The following PLEKHA5 variants were observed in gnomAD, a reference collection of about 807,000 sequenced individuals.
PLEKHA5 encodes the protein pleckstrin homology domain containing A5, also known as pleckstrin homology domain-containing family A member 5.
A neutral mutation model predicts 181.9 loss-of-function variants in PLEKHA5; 55 were observed. The observed-to-expected ratio is 0.30, with a 90% CI of 0.24 to 0.38. The LOEUF (loss-of-function observed/expected upper bound fraction) is 0.38. PLEKHA5 is among the 10% of genes least tolerant of loss of function. PLEKHA5 has a pLI of 1.00. For synonymous variants in PLEKHA5, 535 were observed against 529.4 expected (o/e 1.01, Z -0.15); for missense variants, 1,432 against 1,549.5 (o/e 0.92, Z 1.27).
intron 5 of PLEKHA5, among the ~76,000 whole-genome samples, chr12:19,256,645 T>A (rs2066958354): frequency 6.6e-6 from 1 of 152,204 alleles, no homozygotes; most frequent in African/African-American, 2.4e-5. Flanking sequence ...TATATACTAA[T>A]AAAAGCTTCC....
chr12:19,323,069 C>T (rs1202828277), intron 20 of PLEKHA5, among the ~76,000 whole-genome samples: 2 of 141,974 alleles, frequency 1.4e-5, no homozygotes, highest in East Asian at 4.1e-4. Flanking sequence ...CACTATGTTG[C>T]CCAGACTGGT....
intron 3 of PLEKHA5, among the ~76,000 whole-genome samples, chr12:19,218,987 C>T (rs1028450177): frequency 6.8e-6 from 1 of 147,154 alleles, no homozygotes; most frequent in Admixed American, 6.9e-5. Context: ...TACATGTGCA[C>T]ATTGTGCAGG....
intron 15 of PLEKHA5, among the ~76,000 whole-genome samples, chr12:19,302,569 T>C (rs971748025): frequency 6.6e-6 from 1 of 151,616 alleles, no homozygotes; most frequent in African/African-American, 2.4e-5. Flanking sequence ...CTAATTTTGG[T>C]ATTTTTTATT....
At chr12:19,300,555 T>C (rs2152909093) in intron 15 of PLEKHA5, among the ~76,000 whole-genome samples, 1 of 152,338 alleles carries the variant, frequency 6.6e-6, no homozygotes, top group African/African-American at 2.4e-5. Flanking sequence ...AGTTTATTCA[T>C]TCTGCAAAGA....
chr12:19,239,434 A>C (rs779251533), intron 3 of PLEKHA5, among the ~76,000 whole-genome samples: 7 of 152,054 alleles, frequency 4.6e-5, no homozygotes, highest in Non-Finnish European at 1.0e-4. Flanking sequence ...TCTGGATTGA[A>C]TTTCTGTCCC....
At chr12:19,373,879 T>G (rs574914641) in intron 31 of PLEKHA5, among the ~76,000 whole-genome samples, 2 of 152,290 alleles carry the variant, frequency 1.3e-5, no homozygotes, top group African/African-American at 2.4e-5. Flanking sequence ...ATAAAGGATA[T>G]TCAGAGTTAA....
chr12:19,368,763 C>G (rs2153300500), intron 30 of PLEKHA5, among the ~76,000 whole-genome samples: 1 of 152,236 alleles, frequency 6.6e-6, no homozygotes, highest in South Asian at 2.1e-4. Flanking sequence ...TGCACTCCAG[C>G]CTGGGCAACA....
At chr12:19,171,564 G>A (rs1392675347) in intron 3 of PLEKHA5, among the ~76,000 whole-genome samples, 2 of 152,048 alleles carry the variant, frequency 1.3e-5, no homozygotes, top group African/African-American at 4.8e-5. Flanking sequence ...TTACCATGTT[G>A]GCCAGGCTGG....
intron 7 of PLEKHA5, among the ~76,000 whole-genome samples, chr12:19,262,456 C>T (rs1565535080): frequency 1.3e-5 from 2 of 152,092 alleles, no homozygotes; most frequent in African/African-American, 2.4e-5. Flanking sequence ...CCAGGCTGGT[C>T]TCAAACTCCT....
intron 4 of PLEKHA5, among the ~76,000 whole-genome samples, chr12:19,254,378 G>A (rs992582157): frequency 1.3e-5 from 2 of 152,134 alleles, no homozygotes; most frequent in Non-Finnish European, 1.5e-5. Context: ...AGTTTTATAA[G>A]CATCAAAGAA....
chr12:19,322,988 A>G (rs1227613333), intron 20 of PLEKHA5, among the ~76,000 whole-genome samples: 1 of 147,514 alleles, frequency 6.8e-6, no homozygotes, highest in Non-Finnish European at 1.5e-5. Context: ...AGCTGGGACT[A>G]CAGGCTGGCA....
chr12:19,327,723 C>T (rs2092375367), intron 20 of PLEKHA5, among the ~76,000 whole-genome samples: 1 of 151,454 alleles, frequency 6.6e-6, no homozygotes. Context: ...TTGCTCACTG[C>T]AACCTCCACC....
At chr12:19,235,725 T>C (rs150298809) in intron 3 of PLEKHA5, among the ~76,000 whole-genome samples, 12 of 152,336 alleles carry the variant, frequency 7.9e-5, no homozygotes, top group African/African-American at 2.9e-4. Flanking sequence ...TAAGCTGTAC[T>C]GCTTTCTGTG....
chr12:19,218,944 A>G (rs112013027), intron 3 of PLEKHA5, among the ~76,000 whole-genome samples: 1 of 131,662 alleles, frequency 7.6e-6, no homozygotes, highest in Non-Finnish European at 1.7e-5. Flanking sequence ...TTTTTTTTTA[A>G]TTTTTTTTTT....
chr12:19,200,674 C>T (rs2053983618), intron 3 of PLEKHA5: 1 of 1,034,688 alleles, frequency 9.7e-7, no homozygotes, highest in African/African-American at 1.7e-5. Context: ...TTTTCTTAAC[C>T]CTTTCCTTGC....
rs1715036286 is a variant in PLEKHA5, at chr12:19,364,400, G to C, written c.3609-1564G>C. ...GTGGTACATTCCTGTAATCCCACCTGCTTGTGAGACTGAGGCACAAGAATT... is the reference window on the plus strand; with the variant it reads ...GTGGTACATTCCTGTAATCCCACCTCCTTGTGAGACTGAGGCACAAGAATT... On this transcript the variant is annotated intron_variant, in intron 29 of 31. Coordinates refer to ENST00000429027, the MANE Select transcript of PLEKHA5 (RefSeq NM_001256470.2). Among the ~76,000 whole-genome samples the C allele has an allele frequency of 2.6e-5, 4 of 152,016 alleles. No homozygotes were observed. In the South Asian group the frequency reaches 8.3e-4, roughly 32 times the overall value.
chr12:19,155,654 T>A (rs1210778628), intron 3 of PLEKHA5, among the ~76,000 whole-genome samples: 1 of 152,232 alleles, frequency 6.6e-6, no homozygotes, highest in Non-Finnish European at 1.5e-5. Context: ...AGTCTTTATC[T>A]TGAATTTGTT....
chr12:19,269,668 T>C (rs2071958756), intron 8 of PLEKHA5, 102 bp from the exon 9 acceptor site: 1 of 574,784 alleles, frequency 1.7e-6, no homozygotes. Flanking sequence ...TTCTCTGAAA[T>C]TTGATAGCAA....
In PLEKHA5 at chr12:19,274,811, G is replaced by A. The variant is rs1417857535; in HGVS notation, c.1141G>A (p.Glu381Lys). Residue 381 changes from glutamate (E) to lysine (K), a missense_variant, in exon 11 of 32, where the codon GAG becomes AAG. Transcript: ENST00000429027. ...CAGACCAATCAACTTGAGCAGTTCA[G>A]AGAACAAAATAGTCAATGTTAGCCT... Reference protein sequence around the residue: ...HYRPINLSSSENKIVNVSLAD... With the variant: ...HYRPINLSSSKNKIVNVSLAD... The A allele has an allele frequency of 7.4e-6, 12 of 1,614,082 alleles. No homozygotes were observed. Among genetic ancestry groups the A allele is most frequent in the Non-Finnish European group, 1.0e-5 (12 of 1,180,050 alleles).
Sources: allele counts gnomAD v4.1 joint callset (sites outside exome capture counted in the v4.1 genomes callset), GRCh38; gene constraint gnomAD v4.1.1; transcripts MANE v1.5; gene names NCBI Gene and HGNC (gene_info 2026-07-23, HGNC 2026-07-21).